Variants in ANAPC1 observed in about 807,000 individuals in gnomAD.
The protein encoded by ANAPC1 is anaphase promoting complex subunit 1.
ANAPC1 carries 36 observed loss-of-function variants against 208.0 expected under a neutral mutation model. The ratio of observed to expected loss-of-function variants is 0.17; its 90% CI spans 0.13 to 0.23. ANAPC1 has a LOEUF of 0.23. Ranked by LOEUF, ANAPC1 falls within the 10% of genes least tolerant of loss-of-function variation. ANAPC1 has a pLI of 1.00. For missense variants in ANAPC1, 942 were observed against 2,011.6 expected, an observed-to-expected ratio of 0.47 and a Z score of 10.17; for synonymous variants, 378 against 695.2, an observed-to-expected ratio of 0.54 and a Z score of 7.18.
At position 111,847,148 on chromosome 2, in the gene ANAPC1, G is replaced by A. The variant is rs761627503; in HGVS notation, c.1842C>T (p.Thr614=). 1 of 1,609,120 alleles carries A rather than the reference G, an allele frequency of 6.2e-7. No individual in the cohort carries two copies. The highest frequency in any genetic ancestry group is 1.1e-5 in the South Asian group (1 of 90,772). ...ACTTCTCAATCGTACCTAACTCAGA[G>A]GTGGCAATTTCAGGAATAGTGATCC... The part of the protein sequence containing the change: ...MVRITIPEIA[T]SELVQTCLQA... The change falls in exon 16 of 48, where the codon ACC becomes ACT. Residue 614 remains threonine (T), a synonymous_variant. Transcript: ENST00000341068.
rs1054572066 is a variant in ANAPC1, at chr2:111,792,825, C to T, written c.4519-270G>A. Among the ~76,000 whole-genome samples the T allele has an allele frequency of 6.6e-5, 10 of 152,074 alleles. No homozygotes were observed. The East Asian group carries it at 1.7e-3, about 27-fold the overall frequency. On this transcript the variant is annotated intron_variant, in intron 37 of 47. Coordinates refer to ENST00000341068, the MANE Select transcript of ANAPC1 (RefSeq NM_022662.4). Reference sequence around the variant, plus strand: ...AAAGTTAGCCGGGCGTGGTGGCGGGCGCCTGTGGTCCCAGCTGCTCGGGAG... The same window carrying T: ...AAAGTTAGCCGGGCGTGGTGGCGGGTGCCTGTGGTCCCAGCTGCTCGGGAG...
At chr2:111,879,018 T>C in intron 2 of ANAPC1, 47 bp from the exon 3 acceptor site, 1 of 1,567,084 alleles carries the variant, frequency 6.4e-7, no homozygotes, top group African/African-American at 1.4e-5. Context: ...TCTTTTTTTG[T>C]TCTTCAAAAA....
chr2:111,873,398 T>C lies in ANAPC1; in HGVS notation c.438A>G (p.Glu146=). The part of the protein sequence containing the change: ...DKSEKAYSSN[E]VEKCICILQS... ...GCAATATACATATGCATTTTTCTAC[T>C]TCATTGCTACCTGAAAAGAAAGGGT... The change falls in exon 5 of 48, where the codon GAA becomes GAG. Residue 146 remains glutamate (E), a synonymous_variant. Transcript: ENST00000341068. The C allele has an allele frequency of 1.2e-6, 2 of 1,601,936 alleles. No individual in the cohort carries two copies. The highest frequency in any genetic ancestry group is 1.3e-5 in the African/African-American group (1 of 74,252).
intron 7 of ANAPC1, among the ~76,000 whole-genome samples, chr2:111,867,087 T>G (rs1305461850): frequency 6.6e-6 from 1 of 151,784 alleles, no homozygotes; most frequent in African/African-American, 2.4e-5. Flanking sequence ...GGTCAGGAGT[T>G]CAAGACCAGC....
intron 14 of ANAPC1, among the ~76,000 whole-genome samples, chr2:111,849,825 C>T (rs1318162864): frequency 6.6e-6 from 1 of 151,594 alleles, no homozygotes; most frequent in African/African-American, 2.4e-5. Context: ...TCCCAAAATA[C>T]ACCTATTTAC....
At chr2:111,795,420 G>C (rs2104540113) in intron 34 of ANAPC1, among the ~76,000 whole-genome samples, 1 of 148,320 alleles carries the variant, frequency 6.7e-6, no homozygotes, top group Non-Finnish European at 1.5e-5. Flanking sequence ...AAATAGGGCT[G>C]AACAAATATA....
intron 20 of ANAPC1, among the ~76,000 whole-genome samples, chr2:111,832,960 T>G (rs1573419326): frequency 1.6e-5 from 1 of 62,602 alleles, no homozygotes. Flanking sequence ...AAAAAAAGCA[T>G]CCTTGACCCT....
At chr2:111,823,304 A>C (rs1027735696) in intron 24 of ANAPC1, among the ~76,000 whole-genome samples, 5 of 152,016 alleles carry the variant, frequency 3.3e-5, no homozygotes, top group Non-Finnish European at 7.4e-5. Flanking sequence ...GGCATGAGCC[A>C]CCGCGCCTGG....
intron 1 of ANAPC1, among the ~76,000 whole-genome samples, chr2:111,882,467 C>T (rs1387657542): frequency 6.6e-6 from 1 of 152,082 alleles, no homozygotes; most frequent in African/African-American, 2.4e-5. Context: ...CGATGGCTCA[C>T]GCCTGCAATC....
chr2:111,788,921 G>C (rs1451288044), intron 38 of ANAPC1, among the ~76,000 whole-genome samples: 19 of 151,884 alleles, frequency 1.3e-4, no homozygotes, highest in Admixed American at 2.0e-4. Flanking sequence ...GGCGGATCAC[G>C]AGGTCAGGAG....
In ANAPC1 at chr2:111,794,914, G is replaced by T. The variant is rs1035727177; in HGVS notation, c.4297-20C>A. 4 of 908,304 alleles carry T rather than the reference G, an allele frequency of 4.4e-6. No individual in the cohort carries two copies. The African/African-American group carries it at 5.0e-5, about 11-fold the overall frequency. 56.3% of individuals were successfully genotyped at this position (908,304 alleles called of 1,614,324 possible). On this transcript the variant is annotated intron_variant, in intron 34 of 47. Transcript: ENST00000341068. ...TATAATCTGTCAATATAGAAAGCAAGAATACTTAGATATCAATGTTCTCAT... is the reference window on the plus strand; with the variant it reads ...TATAATCTGTCAATATAGAAAGCAATAATACTTAGATATCAATGTTCTCAT...
chr2:111,831,289 G>A lies in ANAPC1; in HGVS notation c.2622C>T (p.Val874=), dbSNP rs753702376. The A allele has an allele frequency of 8.2e-5, 131 of 1,606,352 alleles. No homozygotes were observed. Among genetic ancestry groups the A allele is most frequent in the Middle Eastern group, 2.3e-4 (1 of 4,414 alleles). The part of the protein sequence containing the change: ...PGICERSRLV[V]LSIALYILGD... ...TAGTAACACTCCACATACATACCAA[G>A]ACTACAAGTCTGCTTCTTTCACAGA... Residue 874 remains valine, a synonymous_variant, in exon 21 of 48, where the codon GTC becomes GTT. Coordinates refer to ENST00000341068, the MANE Select transcript of ANAPC1 (RefSeq NM_022662.4).
At position 111,880,524 on chromosome 2, in the gene ANAPC1, G is replaced by A. The variant is rs141011981; in HGVS notation, c.213+89C>T. The stretch of plus-strand genomic sequence containing the variant: ...TCTACTCTAGAAGTGGCATCACACC[G>A]ATCTCTCAGTTGCATCTTAGTAGCC... On this transcript the variant is annotated intron_variant, in intron 2 of 47. Transcript: ENST00000341068. 36 of 1,481,242 alleles carry A rather than the reference G, an allele frequency of 2.4e-5. No homozygotes were observed. In the East Asian group the frequency reaches 2.5e-4, roughly 10 times the overall value. The allele number at this position is 1,481,242 out of a possible 1,614,324, so 91.8% of individuals were successfully genotyped here.
At chr2:111,804,684 A>AT (rs1462898136) in intron 30 of ANAPC1, among the ~76,000 whole-genome samples, 5 of 148,824 alleles carry the variant, frequency 3.4e-5, no homozygotes, top group Non-Finnish European at 7.4e-5. Context: ...ATTTTTTTGT[A>AT]TTTTTAGTAG....
At chr2:111,850,738 A>C in intron 14 of ANAPC1, 38 bp downstream of exon 14, 2 of 1,591,838 alleles carry the variant, frequency 1.3e-6, no homozygotes, top group South Asian at 2.3e-5. Context: ...TTCTTTAAAA[A>C]ATGTTAACTT....
intron 6 of ANAPC1, among the ~76,000 whole-genome samples, chr2:111,869,040 T>A (rs1375562325): frequency 1.3e-5 from 2 of 152,162 alleles, no homozygotes; most frequent in African/African-American, 4.8e-5. Flanking sequence ...ACGCCGCTAG[T>A]AAACATCTGC....
chr2:111,769,134 T>C lies in ANAPC1; in HGVS notation c.*157A>G. Reference sequence around the variant, plus strand: ...GCTTTTATATGTCATATACCGTTAATGATGACAGCAACAGATTTAAAATAC... The same window carrying C: ...GCTTTTATATGTCATATACCGTTAACGATGACAGCAACAGATTTAAAATAC... On this transcript the variant is annotated 3_prime_UTR_variant, in exon 48 of 48. Transcript: ENST00000341068. 3.6e-6 allele frequency: 2 copies of C among 561,538 alleles called. No individual in the cohort carries two copies. The highest frequency in any genetic ancestry group is 6.6e-6 in the Non-Finnish European group (2 of 303,012). The allele number at this position is 561,538 out of a possible 1,614,324, so 34.8% of individuals were successfully genotyped here.
At chr2:111,843,712 G>C (rs536236279) in intron 16 of ANAPC1, 113 bp from the exon 17 acceptor site, 31 of 756,536 alleles carry the variant, frequency 4.1e-5, no homozygotes, top group Middle Eastern at 9.0e-4. Flanking sequence ...ATTATGAAAA[G>C]AAAACTGTCA....
intron 1 of ANAPC1, 110 bp from the exon 2 acceptor site, chr2:111,880,959 A>G: frequency 1.0e-6 from 1 of 982,530 alleles, no homozygotes; most frequent in Non-Finnish European, 1.5e-6. Flanking sequence ...TAATTATATC[A>G]GACTGGTAAG....
Sources: allele counts gnomAD v4.1 joint callset (sites outside exome capture counted in the v4.1 genomes callset), GRCh38; gene constraint gnomAD v4.1.1; transcripts MANE v1.5; gene names NCBI Gene and HGNC (gene_info 2026-07-23, HGNC 2026-07-21).